The following CYB5A variants were observed in gnomAD, a reference collection of about 807,000 sequenced individuals.
The protein encoded by CYB5A is cytochrome b5.
CYB5A carries 10 observed loss-of-function variants against 16.2 expected under a neutral mutation model. The observed-to-expected ratio is 0.62, with a 90% CI of 0.38 to 1.04. The LOEUF (loss-of-function observed/expected upper bound fraction) is 1.04. Ranked by LOEUF, CYB5A falls within the 50% of genes least tolerant of loss-of-function variation. CYB5A has a pLI of 0.01. For synonymous variants in CYB5A, 62 were observed against 57.0 expected, an observed-to-expected ratio of 1.09 and a Z score of -0.40; for missense variants, 161 against 165.9, an observed-to-expected ratio of 0.97 and a Z score of 0.16.
At chr18:74,260,775 G>A (rs1982166736) in intron 3 of CYB5A, 140 bp downstream of exon 3, 2 of 765,360 alleles carry the variant, frequency 2.6e-6, no homozygotes, top group South Asian at 1.4e-5. Context: ...AATACTTGCT[G>A]AGCCAGTAGG....
intron 3 of CYB5A, chr18:74,260,599 C>T (rs548510276): frequency 2.0e-5 from 8 of 409,048 alleles, no homozygotes; most frequent in South Asian, 1.6e-4. Context: ...GAAAATAAGG[C>T]TTGTGTCAAA....
chr18:74,262,607 T>C (rs4892187), intron 2 of CYB5A, among the ~76,000 whole-genome samples: 18,121 of 152,304 alleles, frequency 0.12, 1,378 homozygotes, highest in Admixed American at 0.19. Flanking sequence ...GCAGAGCTTA[T>C]TCATTTCACA....
intron 1 of CYB5A, among the ~76,000 whole-genome samples, chr18:74,279,731 G>A (rs886786212): frequency 2.0e-5 from 3 of 151,990 alleles, no homozygotes; most frequent in Middle Eastern, 3.4e-3. Flanking sequence ...GAAATATGCA[G>A]GTGAGACAAA....
At chr18:74,260,501 C>G in intron 3 of CYB5A, 1 of 305,258 alleles carries the variant, frequency 3.3e-6, no homozygotes, top group Non-Finnish European at 6.3e-6. Flanking sequence ...CTACTATGCC[C>G]AAGAGACTTA....
In CYB5A at chr18:74,291,918, G is replaced by A. The variant is rs547120179; in HGVS notation, c.-43C>T. On this transcript the variant is annotated 5_prime_UTR_variant, in exon 1 of 5. Coordinates refer to ENST00000340533, the MANE Select transcript of CYB5A (RefSeq NM_148923.4). ...CAGGCCCAGCACACACAGCCCCGTC[G>A]GGTGGAGCAGAGCGCGCGACTCAGC... 353 of 1,606,204 alleles carry A rather than the reference G, an allele frequency of 2.2e-4. 3 individuals are homozygous for A. In the South Asian group the frequency reaches 3.4e-3, roughly 15 times the overall value.
intron 1 of CYB5A, among the ~76,000 whole-genome samples, chr18:74,286,086 C>CA (rs1983309646): frequency 6.6e-6 from 1 of 152,214 alleles, no homozygotes; most frequent in Non-Finnish European, 1.5e-5. Context: ...TACAGAGCAG[C>CA]ATGCAGAGCA....
chr18:74,291,851 C>A lies in CYB5A; in HGVS notation c.25G>T (p.Val9Leu), dbSNP rs201644903. 7.3e-5 allele frequency: 117 copies of A among 1,613,434 alleles called. No individual in the cohort carries two copies. The East Asian group carries it at 2.0e-3, about 27-fold the overall frequency. The change falls in exon 1 of 5, where the codon GTG (valine) becomes TTG (leucine). Residue 9 changes from valine to leucine, a missense_variant. Val to Leu is a conservative substitution (Grantham distance 32). Coordinates refer to ENST00000340533, the MANE Select transcript of CYB5A (RefSeq NM_148923.4). Reference protein sequence around the residue: MAEQSDEAVKYYTLEEIQK... With the variant: MAEQSDEALKYYTLEEIQK... ...ATCTCCTCTAGGGTGTAGTACTTCA[C>A]GGCCTCGTCCGACTGCTCTGCCATC...
chr18:74,291,897 C>G lies in CYB5A; in HGVS notation c.-22G>C. The G allele has an allele frequency of 2.5e-6, 4 of 1,609,144 alleles. No individual in the cohort carries two copies. Among genetic ancestry groups the G allele is most frequent in the African/African-American group, 1.3e-5 (1 of 74,880 alleles). On this transcript the variant is annotated 5_prime_UTR_variant, in exon 1 of 5. Coordinates refer to ENST00000340533, the MANE Select transcript of CYB5A (RefSeq NM_148923.4). Reference sequence around the variant, plus strand: ...CCATCTCGGTTCGCCGCGAGCCAGGCCCAGCACACACAGCCCCGTCGGGTG... The same window carrying G: ...CCATCTCGGTTCGCCGCGAGCCAGGGCCAGCACACACAGCCCCGTCGGGTG...
At chr18:74,268,289 C>T (rs1260670211) in intron 1 of CYB5A, among the ~76,000 whole-genome samples, 2 of 152,158 alleles carry the variant, frequency 1.3e-5, no homozygotes, top group Non-Finnish European at 2.9e-5. Flanking sequence ...ACGGGCCCTG[C>T]TGAGCTGTAC....
At chr18:74,276,214 C>T (rs991884356) in intron 1 of CYB5A, among the ~76,000 whole-genome samples, 11 of 152,172 alleles carry the variant, frequency 7.2e-5, no homozygotes, top group African/African-American at 2.7e-4. Flanking sequence ...AATTTTCAGA[C>T]AGAGAAAATG....
At chr18:74,288,003 G>GA (rs985605273) in intron 1 of CYB5A, among the ~76,000 whole-genome samples, 2 of 151,086 alleles carry the variant, frequency 1.3e-5, no homozygotes, top group East Asian at 1.9e-4. Flanking sequence ...ACTCAGGATT[G>GA]AAAAAAAAAT....
At position 74,291,837 on chromosome 18, in the gene CYB5A, G is replaced by A. The variant is rs970058836; in HGVS notation, c.39C>T (p.Thr13=). The A allele has an allele frequency of 1.2e-6, 2 of 1,613,682 alleles. No individual in the cohort carries two copies. The highest frequency in any genetic ancestry group is 1.3e-5 in the African/African-American group (1 of 74,878). ...GGTTGTGCTTCTGAATCTCCTCTAG[G>A]GTGTAGTACTTCACGGCCTCGTCCG... ...EQSDEAVKYY[T]LEEIQKHNHS... The change falls in exon 1 of 5, where the codon ACC becomes ACT. Residue 13 remains threonine, a synonymous_variant. Transcript: ENST00000340533.
chr18:74,264,787 G>T lies in CYB5A; in HGVS notation c.130-1310C>A, dbSNP rs368097014. On this transcript the variant is annotated intron_variant, in intron 1 of 4. Coordinates refer to ENST00000340533, the MANE Select transcript of CYB5A (RefSeq NM_148923.4). The stretch of plus-strand genomic sequence containing the variant: ...TAATATGTGAAACAAGGATGGTCAT[G>T]ATGCAGGGAGGGAAATTTTTTCTCC... 4.9e-4 allele frequency among the ~76,000 whole-genome samples: 75 copies of T among 152,274 alleles called. 3 individuals are homozygous for T. The South Asian group carries it at 0.015, about 30-fold the overall frequency.
chr18:74,254,321 C>T (rs550587696), intron 4 of CYB5A, among the ~76,000 whole-genome samples: 2 of 150,982 alleles, frequency 1.3e-5, no homozygotes, highest in African/African-American at 4.9e-5. Context: ...ATCTTTACTA[C>T]CTGTGCTGAA....
intron 1 of CYB5A, among the ~76,000 whole-genome samples, chr18:74,271,880 A>G (rs1008621174): frequency 6.6e-6 from 1 of 152,144 alleles, no homozygotes; most frequent in African/African-American, 2.4e-5. Flanking sequence ...CCAAGGACCA[A>G]ATGAGTCTCC....
At chr18:74,263,587 G>GACA in intron 1 of CYB5A, 110 bp from the exon 2 acceptor site, 1 of 770,860 alleles carries the variant, frequency 1.3e-6, no homozygotes, top group Non-Finnish European at 2.1e-6. Flanking sequence ...AGACACAGAT[G>GACA]ACAACAGGAG....
intron 4 of CYB5A, among the ~76,000 whole-genome samples, chr18:74,255,285 T>A (rs1290444543): frequency 6.6e-6 from 1 of 152,176 alleles, no homozygotes; most frequent in African/African-American, 2.4e-5. Flanking sequence ...CTAGAACAAT[T>A]GAGTCGTGCT....
chr18:74,255,742 T>G lies in CYB5A; in HGVS notation c.322A>C (p.Ser108Arg), dbSNP rs1332670439. ...TLITTIDSSS[S>R]WWTNWVIPAI... is the part of the protein sequence containing the mutation. ...CTTTAAAAGAAAGCTACCACATACC[T>G]GGAACTAGAATCAATAGTAGTGATA... Residue 108 changes from serine (S) to arginine (R), a missense_variant and splice_region_variant, in exon 4 of 5, where the codon AGT becomes CGT. Coordinates refer to ENST00000340533, the MANE Select transcript of CYB5A (RefSeq NM_148923.4). 1 of 1,612,294 alleles carries G rather than the reference T, an allele frequency of 6.2e-7. No homozygotes were observed. Among genetic ancestry groups the G allele is most frequent in the Non-Finnish European group, 8.5e-7 (1 of 1,178,370 alleles).
intron 1 of CYB5A, among the ~76,000 whole-genome samples, chr18:74,284,257 A>C (rs1292682209): frequency 6.7e-6 from 1 of 148,834 alleles, no homozygotes; most frequent in African/African-American, 2.5e-5. Flanking sequence ...AAAAAAAGAG[A>C]GATTAAAAGC....
Sources: gnomAD v4.1 joint callset for allele counts (sites outside exome capture counted in the v4.1 genomes callset) on GRCh38, gnomAD v4.1.1 for gene constraint, MANE v1.5 for transcripts, NCBI Gene and HGNC (gene_info 2026-07-23, HGNC 2026-07-21) for gene names.